The following STAP1 variants were observed in gnomAD, a reference collection of about 807,000 sequenced individuals.
STAP1 encodes signal-transducing adaptor protein 1.
STAP1 carries 30 observed loss-of-function variants against 37.8 expected under a neutral mutation model. The ratio of observed to expected loss-of-function variants is 0.79; its 90% CI spans 0.59 to 1.08. STAP1 has a LOEUF of 1.08. Among genes scored for constraint, STAP1 ranks in the 50% least tolerant of loss-of-function variants. STAP1 has a pLI of 0.00. For missense variants in STAP1, 357 were observed against 349.4 expected, an observed-to-expected ratio of 1.02 and a Z score of -0.17; for synonymous variants, 130 against 116.0, an observed-to-expected ratio of 1.12 and a Z score of -0.78.
intron 5 of STAP1, 58 bp downstream of exon 5, chr4:67,581,529 A>G: frequency 1.9e-6 from 3 of 1,545,854 alleles, no homozygotes; most frequent in Non-Finnish European, 2.6e-6. Flanking sequence ...ATTTCTAATT[A>G]TAAAGGAGAG....
intron 6 of STAP1, among the ~76,000 whole-genome samples, chr4:67,588,245 T>C (rs955272558): frequency 3.9e-5 from 6 of 152,074 alleles, no homozygotes; most frequent in Non-Finnish European, 7.4e-5. Flanking sequence ...GGATTTTTTT[T>C]CCCACCTCTT....
chr4:67,558,792 C>T lies in STAP1; in HGVS notation c.-18C>T. 6.2e-7 allele frequency: 1 copy of T among 1,600,926 alleles called. No individual in the cohort carries two copies. The highest frequency in any genetic ancestry group is 8.5e-7 in the Non-Finnish European group (1 of 1,176,076). Reference sequence around the variant, plus strand: ...TTGTTTGAGACGAGAAACCAAACCACACACCAAAGAGAGGGGTATGATGGC... The same window carrying T: ...TTGTTTGAGACGAGAAACCAAACCATACACCAAAGAGAGGGGTATGATGGC... On this transcript the variant is annotated 5_prime_UTR_variant, in exon 1 of 9. Transcript: ENST00000265404.
At chr4:67,581,530 TA>T (rs1431687940) in intron 5 of STAP1, 59 bp downstream of exon 5, 6 of 1,541,354 alleles carry the variant, frequency 3.9e-6, no homozygotes, top group Non-Finnish European at 5.3e-6. Context: ...TTTCTAATTA[TA>T]AAGGAGAGTT....
chr4:67,583,704 T>C lies in STAP1; in HGVS notation c.659+2T>C. The C allele has an allele frequency of 6.2e-7, 1 of 1,606,722 alleles. No individual in the cohort carries two copies. Among genetic ancestry groups the C allele is most frequent in the Non-Finnish European group, 8.5e-7 (1 of 1,177,958 alleles). On this transcript the variant is annotated splice_donor_variant, in intron 6 of 8. Coordinates refer to ENST00000265404, the MANE Select transcript of STAP1 (RefSeq NM_012108.4). LOFTEE classifies it high-confidence loss of function. Reference sequence around the variant, plus strand: ...CATCACTATTCGGCAGGAGATAGAGTATGTTTATTTTTTTTAAATGTATGG... The same window carrying C: ...CATCACTATTCGGCAGGAGATAGAGCATGTTTATTTTTTTTAAATGTATGG...
At chr4:67,582,459 C>G (rs7692780) in intron 5 of STAP1, among the ~76,000 whole-genome samples, 44,378 of 151,662 alleles carry the variant, frequency 0.29, 6,925 homozygotes, top group South Asian at 0.4. Flanking sequence ...CAGGCACCTG[C>G]CACCGTGCCC....
intron 1 of STAP1, among the ~76,000 whole-genome samples, chr4:67,566,839 A>G (rs543653730): frequency 2.0e-4 from 31 of 152,088 alleles, no homozygotes; most frequent in African/African-American, 7.0e-4. Flanking sequence ...GAATGATGGA[A>G]CATGCCTGTA....
intron 4 of STAP1, among the ~76,000 whole-genome samples, chr4:67,580,563 G>C (rs1487176098): frequency 6.6e-6 from 1 of 152,130 alleles, no homozygotes; most frequent in Non-Finnish European, 1.5e-5. Context: ...ATCACACAAG[G>C]CTGCCTCCAA....
At chr4:67,578,830 ATTT>A (rs11314663) in intron 4 of STAP1, among the ~76,000 whole-genome samples, 4 of 142,484 alleles carry the variant, frequency 2.8e-5, no homozygotes, top group Non-Finnish European at 3.1e-5. Flanking sequence ...ATTTATGTGA[ATTT>A]TTTTTTTTTT....
At chr4:67,562,821 A>C (rs899078652) in intron 1 of STAP1, among the ~76,000 whole-genome samples, 5 of 151,886 alleles carry the variant, frequency 3.3e-5, no homozygotes, top group Admixed American at 2.6e-4. Flanking sequence ...ATAAATATAT[A>C]TATTCCCGTA....
chr4:67,593,724 A>G (rs1728168803), intron 8 of STAP1, among the ~76,000 whole-genome samples: 1 of 152,240 alleles, frequency 6.6e-6, no homozygotes, highest in Admixed American at 6.5e-5. Flanking sequence ...ACAACGTTAG[A>G]TGCGTAATAC....
chr4:67,581,337 T>G lies in STAP1; in HGVS notation c.396T>G (p.Pro132=), dbSNP rs775778895. The G allele has an allele frequency of 6.2e-7, 1 of 1,613,680 alleles. No individual in the cohort carries two copies. The highest frequency in any genetic ancestry group is 8.5e-7 in the Non-Finnish European group (1 of 1,179,852). ...TTCCCCAAAACGTGTCACTCCTACC[T>G]GGGCAAGTAATTAAACTGCATGAAG... ...LSVPQNVSLL[P]GQVIKLHEVL... The change falls in exon 5 of 9, where the codon CCT becomes CCG. Residue 132 remains proline (P), a synonymous_variant. Transcript: ENST00000265404.
At chr4:67,566,451 A>G (rs1266024126) in intron 1 of STAP1, among the ~76,000 whole-genome samples, 1 of 152,220 alleles carries the variant, frequency 6.6e-6, no homozygotes, top group Non-Finnish European at 1.5e-5. Context: ...CTTGAGCTAC[A>G]TCAAGTCACT....
chr4:67,588,347 C>CGAT (rs1469141019), intron 6 of STAP1, among the ~76,000 whole-genome samples: 1 of 128,500 alleles, frequency 7.8e-6, no homozygotes, highest in Admixed American at 7.6e-5. Context: ...CCATAGACGA[C>CGAT]GACGACGATG....
At chr4:67,589,710 A>C (rs1301496076) in intron 6 of STAP1, among the ~76,000 whole-genome samples, 1 of 152,202 alleles carries the variant, frequency 6.6e-6, no homozygotes, top group Admixed American at 6.5e-5. Context: ...CAAGACAAAC[A>C]TACTCTGGTT....
At chr4:67,572,062 A>C (rs1426645330) in intron 2 of STAP1, among the ~76,000 whole-genome samples, 1 of 152,210 alleles carries the variant, frequency 6.6e-6, no homozygotes, top group East Asian at 1.9e-4. Flanking sequence ...ACATGGCAAG[A>C]GGCAGTAAAG....
chr4:67,571,361 C>T (rs1477508759), intron 2 of STAP1, among the ~76,000 whole-genome samples: 1 of 152,162 alleles, frequency 6.6e-6, no homozygotes, highest in Non-Finnish European at 1.5e-5. Context: ...AAGATATTGA[C>T]TCATGTTTTT....
At chr4:67,575,775 C>T (rs1165644139) in intron 3 of STAP1, among the ~76,000 whole-genome samples, 6 of 152,166 alleles carry the variant, frequency 3.9e-5, no homozygotes, top group Admixed American at 2.6e-4. Flanking sequence ...CTTGAATCAG[C>T]ATTCAAAATG....
chr4:67,562,088 A>AAAG (rs1553900234), intron 1 of STAP1, among the ~76,000 whole-genome samples: 2 of 112,882 alleles, frequency 1.8e-5, no homozygotes, highest in Admixed American at 9.3e-5. Context: ...AAAAAAAAAA[A>AAAG]AAAGAAAGAA....
intron 6 of STAP1, among the ~76,000 whole-genome samples, chr4:67,585,650 A>G (rs148266143): frequency 1.4e-3 from 215 of 152,320 alleles, no homozygotes; most frequent in African/African-American, 5.1e-3. Flanking sequence ...AAGTTAATGG[A>G]TTTTCAATTC....
Sources: gnomAD v4.1 joint callset for allele counts (sites outside exome capture counted in the v4.1 genomes callset) on GRCh38, gnomAD v4.1.1 for gene constraint, MANE v1.5 for transcripts, NCBI Gene and HGNC (gene_info 2026-07-23, HGNC 2026-07-21) for gene names.